FA2H: variants seen among roughly 807,000 people sequenced by gnomAD.
FA2H encodes the protein fatty acid 2-hydroxylase, also known as fatty acid alpha-hydroxylase.
Under a neutral mutation model 44.9 loss-of-function variants are expected in FA2H, and 22 were observed. The ratio of observed to expected loss-of-function variants is 0.49; its 90% confidence interval spans 0.35 to 0.70. FA2H has a LOEUF of 0.70. Ranked by LOEUF, FA2H falls within the 30% of genes least tolerant of loss-of-function variation. The probability of loss-of-function intolerance (pLI) is 0.01; values close to 1 mark genes in which losing one functional copy is unlikely to be tolerated. For synonymous variants in FA2H, 243 were observed against 213.2 expected (o/e 1.14, Z -1.22); for missense variants, 501 against 504.9 (o/e 0.99, Z 0.07).
chr16:74,764,260 C>A (rs191903042), intron 1 of FA2H, among the ~76,000 whole-genome samples: 2 of 152,126 alleles, frequency 1.3e-5, no homozygotes, highest in Non-Finnish European at 2.9e-5. Context: ...CACAAAGACA[C>A]ATGTACATGT....
intron 1 of FA2H, among the ~76,000 whole-genome samples, chr16:74,768,019 T>G (rs1040060948): frequency 1.3e-5 from 2 of 152,110 alleles, no homozygotes; most frequent in Non-Finnish European, 2.9e-5. Context: ...TGTGATGTGG[T>G]GGGTTTCAGA....
chr16:74,771,632 G>A (rs1962908857), intron 1 of FA2H, among the ~76,000 whole-genome samples: 1 of 151,566 alleles, frequency 6.6e-6, no homozygotes, highest in Non-Finnish European at 1.5e-5. Flanking sequence ...CACCGTGCCT[G>A]GCCTCCTGCA....
chr16:74,741,706 C>T (rs1962298825), intron 1 of FA2H, among the ~76,000 whole-genome samples: 2 of 149,434 alleles, frequency 1.3e-5, no homozygotes, highest in Non-Finnish European at 3.0e-5. Flanking sequence ...GGTGATCTGC[C>T]CACCTCAGCC....
At chr16:74,723,853 A>T (rs1961891750) in intron 4 of FA2H, among the ~76,000 whole-genome samples, 2 of 152,110 alleles carry the variant, frequency 1.3e-5, no homozygotes, top group African/African-American at 4.8e-5. Flanking sequence ...GTAACAGAGT[A>T]TCTGATTATA....
chr16:74,718,203 C>T (rs532238867), intron 5 of FA2H, among the ~76,000 whole-genome samples: 2 of 152,282 alleles, frequency 1.3e-5, no homozygotes, highest in Admixed American at 6.5e-5. Context: ...GTGAAACCCA[C>T]GTTCAGTATC....
At chr16:74,716,807 A>T in intron 5 of FA2H, 14 of 380,390 alleles carry the variant, frequency 3.7e-5, no homozygotes, top group Non-Finnish European at 6.0e-5. Context: ...TGAGCCAGGA[A>T]GGGACCTGGC....
chr16:74,741,802 A>ATGTGTGTG (rs1331477533), intron 1 of FA2H, among the ~76,000 whole-genome samples: 1 of 71,274 alleles, frequency 1.4e-5, no homozygotes, highest in African/African-American at 6.2e-5. Context: ...ATATATATAT[A>ATGTGTGTG]TATATATGTG....
chr16:74,766,556 C>G (rs28475834), intron 1 of FA2H, among the ~76,000 whole-genome samples: 47,365 of 151,864 alleles, frequency 0.31, 8,071 homozygotes, highest in Middle Eastern at 0.45. Context: ...GGAAGACCTG[C>G]CCAAGAGACT....
At chr16:74,754,455 C>A (rs958752242) in intron 1 of FA2H, among the ~76,000 whole-genome samples, 2 of 152,160 alleles carry the variant, frequency 1.3e-5, no homozygotes, top group African/African-American at 4.8e-5. Context: ...TAGTGTTCCT[C>A]CTCCAATTCC....
chr16:74,774,817 C>G lies in FA2H; in HGVS notation c.-62G>C. The stretch of plus-strand genomic sequence containing the variant: ...TCTGCTCTGCTGCCACCCTGAGCGC[C>G]TCTAACATCCCGGGAGCCCCGCGGC... On this transcript the variant is annotated 5_prime_UTR_variant, in exon 1 of 7. Transcript: ENST00000219368. 8.0e-7 allele frequency: 1 copy of G among 1,244,368 alleles called. No individual in the cohort carries two copies. The highest frequency in any genetic ancestry group is 1.0e-6 in the Non-Finnish European group (1 of 996,304). 77.1% of individuals were successfully genotyped at this position (1,244,368 alleles called of 1,614,324 possible).
chr16:74,752,943 C>T (rs985518875), intron 1 of FA2H, among the ~76,000 whole-genome samples: 1 of 152,222 alleles, frequency 6.6e-6, no homozygotes, highest in African/African-American at 2.4e-5. Flanking sequence ...TTCTCCGGCT[C>T]CTCCAGGGGT....
intron 4 of FA2H, among the ~76,000 whole-genome samples, chr16:74,722,344 T>G (rs1961858872): frequency 6.6e-6 from 1 of 152,026 alleles, no homozygotes; most frequent in Non-Finnish European, 1.5e-5. Context: ...GAGGCCAGCC[T>G]GGGCAACACA....
chr16:74,768,982 G>A (rs1007305764), intron 1 of FA2H, among the ~76,000 whole-genome samples: 5 of 152,094 alleles, frequency 3.3e-5, no homozygotes, highest in Non-Finnish European at 5.9e-5. Flanking sequence ...ATCTGCCAAC[G>A]GTAGGACCTC....
chr16:74,752,476 C>T (rs1291484251), intron 1 of FA2H, among the ~76,000 whole-genome samples: 1 of 152,170 alleles, frequency 6.6e-6, no homozygotes, highest in East Asian at 1.9e-4. Context: ...TCCTGTCATG[C>T]CTCAGGGCCT....
chr16:74,724,593 A>AT (rs1013157272), intron 4 of FA2H, among the ~76,000 whole-genome samples: 1 of 151,624 alleles, frequency 6.6e-6, no homozygotes, highest in African/African-American at 2.4e-5. Flanking sequence ...GTGGGCTCTT[A>AT]TTTTCTCTGC....
intron 1 of FA2H, among the ~76,000 whole-genome samples, chr16:74,740,673 T>TAATAATAATAAAAA (rs1192790446): frequency 1.4e-5 from 2 of 141,050 alleles, no homozygotes; most frequent in South Asian, 2.2e-4. Context: ...AATAATAAAA[T>TAATAATAATAAAAA]TTCTGCATAA....
intron 1 of FA2H, among the ~76,000 whole-genome samples, chr16:74,748,733 C>T (rs1962473983): frequency 6.6e-6 from 1 of 151,726 alleles, no homozygotes; most frequent in Non-Finnish European, 1.5e-5. Context: ...ACAAGTCCAC[C>T]ATAGAGGCCG....
intron 6 of FA2H, 31 bp from the exon 7 acceptor site, chr16:74,714,300 A>G: frequency 7.1e-7 from 1 of 1,403,196 alleles, no homozygotes; most frequent in Non-Finnish European, 9.9e-7. Context: ...GGAGAAGATG[A>G]GGCATTGAAG....
intron 2 of FA2H, among the ~76,000 whole-genome samples, chr16:74,733,559 T>G (rs770673889): frequency 6.6e-6 from 1 of 152,140 alleles, no homozygotes; most frequent in Non-Finnish European, 1.5e-5. Context: ...CCTTTCTTAA[T>G]CATCTTCCAG....
Sources: gnomAD v4.1 joint callset for allele counts (sites outside exome capture counted in the v4.1 genomes callset) on GRCh38, gnomAD v4.1.1 for gene constraint, MANE v1.5 for transcripts, NCBI Gene and HGNC (gene_info 2026-07-23, HGNC 2026-07-21) for gene names.